The following CNTN5 variants were observed in gnomAD, a reference collection of about 807,000 sequenced individuals.
CNTN5 encodes the protein contactin-5.
CNTN5 carries 77 observed loss-of-function variants against 129.1 expected under a neutral mutation model. The observed-to-expected ratio is 0.60, with a 90% CI of 0.50 to 0.72. The LOEUF (loss-of-function observed/expected upper bound fraction) is 0.72, where lower values mean the gene tolerates loss of function less well. CNTN5 is among the 30% of genes least tolerant of loss of function. The pLI, the probability that CNTN5 is intolerant of heterozygous loss-of-function variation, is 0.00. For synonymous variants in CNTN5, 509 were observed against 465.6 expected (o/e 1.09, Z -1.20); for missense variants, 1,478 against 1,328.8 (o/e 1.11, Z -1.75).
chr11:99,338,993 A>G (rs1487809500), intron 2 of CNTN5, among the ~76,000 whole-genome samples: 6 of 86,790 alleles, frequency 6.9e-5, no homozygotes, highest in Non-Finnish European at 1.7e-4. Context: ...ATATATATAT[A>G]TAGTGTCCAT....
chr11:100,168,448 G>T (rs1947716516), intron 13 of CNTN5, among the ~76,000 whole-genome samples: 1 of 151,948 alleles, frequency 6.6e-6, no homozygotes, highest in Non-Finnish European at 1.5e-5. Context: ...TAGGGCTCTT[G>T]AGAATTATGC....
At position 100,051,390 on chromosome 11, in the gene CNTN5, A is replaced by G. The variant is rs1274203300; in HGVS notation, c.981-9822A>G. On this transcript the variant is annotated intron_variant, in intron 9 of 24. Transcript: ENST00000524871. ...TTAGAAATTCAAAACACACATCTAA[A>G]TAACAAAATGATCAAGAGGAAATCA... is the stretch of plus-strand genomic sequence containing the variant. Among the ~76,000 whole-genome samples the G allele has an allele frequency of 2.6e-5, 4 of 152,206 alleles. No homozygotes were observed. In the East Asian group the frequency reaches 7.7e-4, roughly 29 times the overall value.
intron 2 of CNTN5, among the ~76,000 whole-genome samples, chr11:99,550,278 G>C (rs565632056): frequency 1.3e-5 from 2 of 152,092 alleles, no homozygotes; most frequent in African/African-American, 4.8e-5. Context: ...TTTTTTTGCT[G>C]CTTGGTCCTC....
chr11:99,847,040 T>C (rs1327810103), intron 6 of CNTN5, among the ~76,000 whole-genome samples: 3 of 152,222 alleles, frequency 2.0e-5, no homozygotes, highest in African/African-American at 7.2e-5. Flanking sequence ...CTTTATTCAA[T>C]AGTCTTTTCA....
chr11:99,361,951 C>A (rs1439777036), intron 2 of CNTN5, among the ~76,000 whole-genome samples: 1 of 152,020 alleles, frequency 6.6e-6, no homozygotes, highest in African/African-American at 2.4e-5. Context: ...CTGTGTCCAT[C>A]GTCATACAAG....
At chr11:100,023,332 A>G (rs764481135) in intron 9 of CNTN5, among the ~76,000 whole-genome samples, 1 of 152,058 alleles carries the variant, frequency 6.6e-6, no homozygotes, top group Non-Finnish European at 1.5e-5. Flanking sequence ...TTTTTTCAGG[A>G]TTTTTTTAAA....
intron 2 of CNTN5, among the ~76,000 whole-genome samples, chr11:99,346,919 G>A (rs1465072170): frequency 6.6e-6 from 1 of 152,186 alleles, no homozygotes. Flanking sequence ...CTCTGGAACT[G>A]TAAGAAATAA....
chr11:99,419,198 A>AACAGC (rs1250426399), intron 2 of CNTN5, among the ~76,000 whole-genome samples: 3 of 152,158 alleles, frequency 2.0e-5, no homozygotes, highest in Admixed American at 2.0e-4. Flanking sequence ...ACCTGAGCAC[A>AACAGC]ACAGCACTGC....
rs537219354 is a variant in CNTN5, at chr11:99,342,461, G to A, written c.-71+16977G>A. The stretch of plus-strand genomic sequence containing the variant: ...TTATTTAAGAAGCAGGCAAACAGGC[G>A]TAGTGACTCATGCCCGTAATCCCAA... On this transcript the variant is annotated intron_variant, in intron 2 of 24. Transcript: ENST00000524871. Among the ~76,000 whole-genome samples the A allele has an allele frequency of 4.8e-4, 73 of 150,582 alleles. 1 individual carries two copies. In the South Asian group the frequency reaches 6.3e-3, roughly 13 times the overall value.
At chr11:99,047,305 A>G (rs1591101865) in intron 1 of CNTN5, among the ~76,000 whole-genome samples, 1 of 151,456 alleles carries the variant, frequency 6.6e-6, no homozygotes. Context: ...CTTTCTGCAC[A>G]TGTGAAATAG....
At chr11:99,786,767 T>C (rs192021656) in intron 3 of CNTN5, among the ~76,000 whole-genome samples, 151 of 152,296 alleles carry the variant, frequency 9.9e-4, no homozygotes, top group African/African-American at 3.6e-3. Context: ...GGATTCCCTA[T>C]TTAGTAAATG....
chr11:99,395,095 T>C (rs988365467), intron 2 of CNTN5, among the ~76,000 whole-genome samples: 7 of 152,054 alleles, frequency 4.6e-5, no homozygotes, highest in Non-Finnish European at 7.4e-5. Flanking sequence ...TCTCTATCTT[T>C]AGGTCTTTGA....
chr11:99,598,247 T>C, intron 3 of CNTN5, among the ~76,000 whole-genome samples: 1 of 108,034 alleles, frequency 9.3e-6, no homozygotes, highest in Non-Finnish European at 2.2e-5. Context: ...TCCTTCCTTT[T>C]TCTTAGCTTT....
intron 9 of CNTN5, 127 bp from the exon 10 acceptor site, chr11:100,061,085 A>G: frequency 1.6e-6 from 1 of 644,882 alleles, no homozygotes; most frequent in Non-Finnish European, 2.5e-6. Flanking sequence ...ATCAACCAGC[A>G]CATGGTCCTT....
At chr11:99,520,245 T>C (rs1020209549) in intron 2 of CNTN5, among the ~76,000 whole-genome samples, 30 of 152,144 alleles carry the variant, frequency 2.0e-4, no homozygotes, top group Admixed American at 1.1e-3. Flanking sequence ...AACTTTGAAG[T>C]AGCTTAGAAA....
At chr11:100,131,038 C>T (rs1019924345) in intron 13 of CNTN5, among the ~76,000 whole-genome samples, 2 of 151,994 alleles carry the variant, frequency 1.3e-5, no homozygotes, top group South Asian at 4.2e-4. Flanking sequence ...AGGGGTCTCC[C>T]TGAAATTCAG....
At chr11:99,395,591 G>A (rs141660295) in intron 2 of CNTN5, among the ~76,000 whole-genome samples, 2,147 of 151,864 alleles carry the variant, frequency 0.014, 34 homozygotes, top group African/African-American at 0.048. Context: ...ATTGCTTTTG[G>A]TGTCTTTGTC....
At chr11:99,834,424 G>A (rs1011714805) in intron 4 of CNTN5, among the ~76,000 whole-genome samples, 3 of 152,156 alleles carry the variant, frequency 2.0e-5, no homozygotes, top group Non-Finnish European at 4.4e-5. Flanking sequence ...ACTTTGGGAG[G>A]CTAAGGTAGA....
chr11:100,187,009 T>C (rs1463864580), intron 13 of CNTN5, among the ~76,000 whole-genome samples: 1 of 152,158 alleles, frequency 6.6e-6, no homozygotes, highest in Non-Finnish European at 1.5e-5. Flanking sequence ...ACACTGCCAC[T>C]TAACAGACAA....
Sources: gnomAD v4.1 joint callset for allele counts (sites outside exome capture counted in the v4.1 genomes callset) on GRCh38, gnomAD v4.1.1 for gene constraint, MANE v1.5 for transcripts, NCBI Gene and HGNC (gene_info 2026-07-23, HGNC 2026-07-21) for gene names.